The following NDUFS4 variants were observed in gnomAD, a reference collection of about 807,000 sequenced individuals.
The protein encoded by NDUFS4 is NADH dehydrogenase [ubiquinone] iron-sulfur protein 4, mitochondrial.
A neutral mutation model predicts 24.3 loss-of-function variants in NDUFS4; 28 were observed. That is an observed-to-expected ratio of 1.15 (90% CI 0.85 to 1.58). The LOEUF (loss-of-function observed/expected upper bound fraction) is 1.58. Ranked by LOEUF, NDUFS4 falls within the 40% of genes most tolerant of loss-of-function variation. The pLI is 0.00. For synonymous variants in NDUFS4, 93 were observed against 69.7 expected (o/e 1.34, Z -1.67); for missense variants, 223 against 207.9 (o/e 1.07, Z -0.45).
intron 3 of NDUFS4, among the ~76,000 whole-genome samples, chr5:53,653,791 G>A (rs1481355392): frequency 6.6e-6 from 1 of 151,854 alleles, no homozygotes; most frequent in Non-Finnish European, 1.5e-5. Flanking sequence ...CTTAGTATAA[G>A]TTTTTCACAT....
chr5:53,683,233 C>CT lies in NDUFS4; in HGVS notation c.*13dup. The CT allele has an allele frequency of 6.5e-7, 1 of 1,540,250 alleles. No individual in the cohort carries two copies. ...TATCCACAAAATAGGTTGGCACTGA[C>CT]TATATCTCTGCTTGACTGTGAATAA... On this transcript the variant is annotated 3_prime_UTR_variant, in exon 5 of 5. Coordinates refer to ENST00000296684, the MANE Select transcript of NDUFS4 (RefSeq NM_002495.4).
intron 4 of NDUFS4, among the ~76,000 whole-genome samples, chr5:53,666,512 A>G (rs1752518264): frequency 6.6e-6 from 1 of 152,244 alleles, no homozygotes. Flanking sequence ...TGAATCAGGA[A>G]TTTTAACCTT....
intron 1 of NDUFS4, among the ~76,000 whole-genome samples, chr5:53,583,430 A>G (rs1749637656): frequency 6.6e-6 from 1 of 152,208 alleles, no homozygotes; most frequent in Admixed American, 6.5e-5. Context: ...GAAGGAATGG[A>G]CATGTATTGC....
At chr5:53,674,740 TAATG>T (rs1382210812) in intron 4 of NDUFS4, among the ~76,000 whole-genome samples, 12 of 152,178 alleles carry the variant, frequency 7.9e-5, no homozygotes, top group African/African-American at 2.4e-4. Flanking sequence ...AAATTGTCAA[TAATG>T]AATCAATTTG....
intron 2 of NDUFS4, among the ~76,000 whole-genome samples, chr5:53,618,916 C>T (rs994579592): frequency 6.6e-6 from 1 of 151,240 alleles, no homozygotes; most frequent in Admixed American, 6.6e-5. Flanking sequence ...GAGTTCAAGA[C>T]CAGCCTGGGC....
intron 1 of NDUFS4, among the ~76,000 whole-genome samples, chr5:53,577,853 C>T (rs569782249): frequency 2.6e-5 from 4 of 152,202 alleles, no homozygotes; most frequent in African/African-American, 4.8e-5. Flanking sequence ...GTAGTTGACC[C>T]GGGATTGTGT....
At chr5:53,591,829 C>A (rs1284251511) in intron 1 of NDUFS4, among the ~76,000 whole-genome samples, 2 of 152,134 alleles carry the variant, frequency 1.3e-5, no homozygotes, top group Non-Finnish European at 2.9e-5. Flanking sequence ...ATATTGAGCA[C>A]TTTTTCATAT....
chr5:53,580,759 T>C (rs1749540686), intron 1 of NDUFS4, among the ~76,000 whole-genome samples: 1 of 148,484 alleles, frequency 6.7e-6, no homozygotes. Context: ...TCCTTTCTCT[T>C]TCTTTCTTTC....
intron 1 of NDUFS4, among the ~76,000 whole-genome samples, chr5:53,582,569 A>T (rs1276183797): frequency 6.6e-6 from 1 of 152,246 alleles, no homozygotes; most frequent in Non-Finnish European, 1.5e-5. Flanking sequence ...CTCCACACAG[A>T]TAGTATCCCT....
intron 2 of NDUFS4, among the ~76,000 whole-genome samples, chr5:53,625,934 C>T (rs550913125): frequency 9.2e-5 from 14 of 152,186 alleles, no homozygotes; most frequent in Admixed American, 5.2e-4. Context: ...ATGTGCACAA[C>T]GTGCAGGTCT....
chr5:53,637,272 G>A (rs1048812988), intron 2 of NDUFS4, among the ~76,000 whole-genome samples: 1 of 152,172 alleles, frequency 6.6e-6, no homozygotes, highest in Admixed American at 6.5e-5. Flanking sequence ...CTAGCTGTAA[G>A]GCAACCATAC....
At chr5:53,614,157 T>C (rs536495484) in intron 2 of NDUFS4, among the ~76,000 whole-genome samples, 3 of 152,116 alleles carry the variant, frequency 2.0e-5, no homozygotes, top group Non-Finnish European at 2.9e-5. Context: ...AAACCTGTTA[T>C]ATTTAACTAT....
At chr5:53,652,257 GT>G (rs890529241) in intron 3 of NDUFS4, among the ~76,000 whole-genome samples, 24 of 148,758 alleles carry the variant, frequency 1.6e-4, no homozygotes, top group Admixed American at 5.4e-4. Flanking sequence ...CTTTGGAAGG[GT>G]TTTTTTTTTC....
intron 4 of NDUFS4, among the ~76,000 whole-genome samples, chr5:53,666,143 A>G (rs1752506473): frequency 6.6e-6 from 1 of 152,230 alleles, no homozygotes; most frequent in Non-Finnish European, 1.5e-5. Flanking sequence ...TGTGAACTGT[A>G]ACATAGTTAT....
At chr5:53,648,639 A>G (rs1455539712) in intron 3 of NDUFS4, among the ~76,000 whole-genome samples, 1 of 152,184 alleles carries the variant, frequency 6.6e-6, no homozygotes, top group Non-Finnish European at 1.5e-5. Context: ...GTGCTTTTGT[A>G]TCCTTAAAAC....
chr5:53,630,624 T>C (rs1751384759), intron 2 of NDUFS4, among the ~76,000 whole-genome samples: 1 of 152,198 alleles, frequency 6.6e-6, no homozygotes, highest in Non-Finnish European at 1.5e-5. Flanking sequence ...TTTATTTCAT[T>C]AATTTCATCT....
chr5:53,605,442 T>C (rs182418605), intron 2 of NDUFS4, among the ~76,000 whole-genome samples: 1 of 152,296 alleles, frequency 6.6e-6, no homozygotes, highest in African/African-American at 2.4e-5. Flanking sequence ...AATGAGTGAG[T>C]CAGCCAGTAA....
chr5:53,673,445 C>T (rs748872422), intron 4 of NDUFS4, among the ~76,000 whole-genome samples: 7 of 151,736 alleles, frequency 4.6e-5, no homozygotes, highest in African/African-American at 1.2e-4. Context: ...AAAAGTTGTC[C>T]GGAGATGTGA....
intron 1 of NDUFS4, among the ~76,000 whole-genome samples, chr5:53,566,066 G>A (rs1000832416): frequency 6.6e-6 from 1 of 152,134 alleles, no homozygotes; most frequent in Non-Finnish European, 1.5e-5. Flanking sequence ...CCAGCTACTC[G>A]GGAGGCCGAG....
Sources: allele counts gnomAD v4.1 joint callset (sites outside exome capture counted in the v4.1 genomes callset), GRCh38; gene constraint gnomAD v4.1.1; transcripts MANE v1.5; gene names NCBI Gene and HGNC (gene_info 2026-07-23, HGNC 2026-07-21).